DGKB: variants seen among roughly 807,000 people sequenced by gnomAD.
DGKB encodes the protein diacylglycerol kinase beta.
A neutral mutation model predicts 114.3 loss-of-function variants in DGKB; 67 were observed. The observed-to-expected ratio is 0.59, with a 90% confidence interval of 0.48 to 0.72. DGKB has a LOEUF of 0.72. DGKB is among the 30% of genes least tolerant of loss of function. The probability of loss-of-function intolerance (pLI) is 0.00; values close to 1 mark genes in which losing one functional copy is unlikely to be tolerated. For synonymous variants in DGKB, 398 were observed against 323.1 expected, an observed-to-expected ratio of 1.23 and a Z score of -2.49; for missense variants, 907 against 975.2, an observed-to-expected ratio of 0.93 and a Z score of 0.93.
chr7:14,295,345 A>G (rs913078773), intron 23 of DGKB, among the ~76,000 whole-genome samples: 3 of 152,100 alleles, frequency 2.0e-5, no homozygotes, highest in Admixed American at 6.6e-5. Flanking sequence ...AGAGCTTTCT[A>G]TGTTAGATTT....
intron 9 of DGKB, among the ~76,000 whole-genome samples, chr7:14,692,848 A>G (rs1219247162): frequency 6.6e-6 from 1 of 152,088 alleles, no homozygotes; most frequent in Admixed American, 6.5e-5. Context: ...TTGAAGACCC[A>G]GGTAAAAAAG....
chr7:14,455,854 G>T (rs145907140), intron 21 of DGKB, among the ~76,000 whole-genome samples: 2 of 152,068 alleles, frequency 1.3e-5, no homozygotes, highest in African/African-American at 4.8e-5. Context: ...AAGACAACGG[G>T]CTAAAATCAA....
At chr7:14,466,848 G>A (rs1780551686) in intron 21 of DGKB, among the ~76,000 whole-genome samples, 1 of 151,992 alleles carries the variant, frequency 6.6e-6, no homozygotes, top group Non-Finnish European at 1.5e-5. Flanking sequence ...AATAACGATG[G>A]CGTTTATATA....
At chr7:14,829,429 C>A (rs1380713124) in intron 2 of DGKB, among the ~76,000 whole-genome samples, 2 of 152,070 alleles carry the variant, frequency 1.3e-5, no homozygotes, top group South Asian at 2.1e-4. Flanking sequence ...TTCTTTGACA[C>A]TGGAAGGTTT....
At chr7:14,501,059 C>T (rs1267790002) in intron 20 of DGKB, among the ~76,000 whole-genome samples, 5 of 151,746 alleles carry the variant, frequency 3.3e-5, no homozygotes, top group African/African-American at 9.7e-5. Context: ...AAAACTATTT[C>T]TCATCCTGAG....
intron 2 of DGKB, among the ~76,000 whole-genome samples, chr7:14,797,668 C>G (rs1841585158): frequency 6.6e-6 from 1 of 151,288 alleles, no homozygotes; most frequent in African/African-American, 2.4e-5. Context: ...CTGAGGGCTG[C>G]CATCTGTGAG....
At chr7:14,917,597 G>A (rs10260034) in intron 1 of DGKB, among the ~76,000 whole-genome samples, 32,045 of 151,674 alleles carry the variant, frequency 0.21, 5,306 homozygotes, top group East Asian at 0.77. Context: ...ATCCAAATAG[G>A]CTTATATTTA....
At chr7:14,713,239 A>C (rs1827653138) in intron 6 of DGKB, among the ~76,000 whole-genome samples, 1 of 152,100 alleles carries the variant, frequency 6.6e-6, no homozygotes, top group South Asian at 2.1e-4. Context: ...AATATATCCT[A>C]CTATACACAC....
chr7:14,561,866 A>T (rs1237388940), intron 20 of DGKB, among the ~76,000 whole-genome samples: 1 of 152,264 alleles, frequency 6.6e-6, no homozygotes, highest in Non-Finnish European at 1.5e-5. Flanking sequence ...CCTGCTGCAG[A>T]AATCTGCATA....
intron 23 of DGKB, chr7:14,192,085 A>T: frequency 2.4e-6 from 1 of 414,898 alleles, no homozygotes; most frequent in Admixed American, 2.6e-5. Flanking sequence ...AAAGCAGTGG[A>T]CAGGAAGGCT....
chr7:14,164,983 T>G (rs926748585), intron 25 of DGKB, among the ~76,000 whole-genome samples: 1 of 151,926 alleles, frequency 6.6e-6, no homozygotes, highest in Non-Finnish European at 1.5e-5. Context: ...CCAAGAAAAA[T>G]ATTAAATAAC....
chr7:14,579,815 C>A (rs1384296313), intron 19 of DGKB, among the ~76,000 whole-genome samples: 1 of 152,076 alleles, frequency 6.6e-6, no homozygotes, highest in African/African-American at 2.4e-5. Flanking sequence ...TGCTCAGGTC[C>A]CAATTCCAGA....
At chr7:14,778,586 G>C (rs923996395) in intron 2 of DGKB, among the ~76,000 whole-genome samples, 2 of 151,946 alleles carry the variant, frequency 1.3e-5, no homozygotes, top group Non-Finnish European at 2.9e-5. Context: ...TTTTTTAGAA[G>C]GTAAAGAGAA....
At chr7:14,678,922 T>TA (rs1358517851) in intron 12 of DGKB, among the ~76,000 whole-genome samples, 4 of 151,650 alleles carry the variant, frequency 2.6e-5, no homozygotes, top group African/African-American at 4.8e-5. Flanking sequence ...AAGACAAGAG[T>TA]AAAAAAAATT....
chr7:14,762,728 A>C (rs1562471970), intron 2 of DGKB, among the ~76,000 whole-genome samples: 1 of 152,096 alleles, frequency 6.6e-6, no homozygotes, highest in Non-Finnish European at 1.5e-5. Context: ...AGGCCCCATG[A>C]AGTAACGGAG....
chr7:14,795,333 A>T (rs1341667931), intron 2 of DGKB, among the ~76,000 whole-genome samples: 4 of 152,200 alleles, frequency 2.6e-5, no homozygotes, highest in African/African-American at 9.6e-5. Flanking sequence ...TTAACTGCTG[A>T]GATATGGACC....
chr7:14,825,035 T>TAC lies in DGKB; in HGVS notation c.70+16158_70+16159insGT, dbSNP rs996695154. Among the ~76,000 whole-genome samples, 4 of 142,322 alleles carry TAC rather than the reference T, an allele frequency of 2.8e-5. No homozygotes were observed. The South Asian group carries it at 6.7e-4, about 24-fold the overall frequency. The allele number at this position is 142,322 out of a possible 152,430, so 93.4% of individuals were successfully genotyped here. On this transcript the variant is annotated intron_variant, in intron 2 of 25. Coordinates refer to ENST00000402815, the MANE Select transcript of DGKB (RefSeq NM_001350709.2). Reference sequence around the variant, plus strand: ...GTGTATGTATATATATATATATATATATATATATATATATATATATATCAC... The same window carrying TAC: ...GTGTATGTATATATATATATATATATACATATATATATATATATATATATCAC...
chr7:14,654,125 T>C (rs145933298), intron 13 of DGKB, among the ~76,000 whole-genome samples: 1 of 151,968 alleles, frequency 6.6e-6, no homozygotes, highest in African/African-American at 2.4e-5. Context: ...TAATCTTACA[T>C]ATAGAAAAAC....
chr7:14,757,886 G>A (rs1450177069), intron 2 of DGKB, among the ~76,000 whole-genome samples, 155 bp from the exon 3 acceptor site: 1 of 151,966 alleles, frequency 6.6e-6, no homozygotes, highest in African/African-American at 2.4e-5. Flanking sequence ...ATTTTTGAAA[G>A]GCTATTTAAT....
Sources: allele counts gnomAD v4.1 joint callset (sites outside exome capture counted in the v4.1 genomes callset), GRCh38; gene constraint gnomAD v4.1.1; transcripts MANE v1.5; gene names NCBI Gene and HGNC (gene_info 2026-07-23, HGNC 2026-07-21).